ARHGAP28: variants seen among roughly 807,000 people sequenced by gnomAD.
The protein encoded by ARHGAP28 is rho GTPase-activating protein 28.
A neutral mutation model predicts 90.7 loss-of-function variants in ARHGAP28; 56 were observed. The ratio of observed to expected loss-of-function variants is 0.62; its 90% CI spans 0.50 to 0.77. The LOEUF (loss-of-function observed/expected upper bound fraction) is 0.77, where lower values mean the gene tolerates loss of function less well. ARHGAP28 is among the 30% of genes least tolerant of loss of function. The pLI, the probability that ARHGAP28 is intolerant of heterozygous loss-of-function variation, is 0.00. For missense variants in ARHGAP28, 869 were observed against 900.9 expected (o/e 0.96, Z 0.45); for synonymous variants, 308 against 323.3 (o/e 0.95, Z 0.51).
At chr18:6,839,304 T>TA in intron 3 of ARHGAP28, among the ~76,000 whole-genome samples, 1 of 150,846 alleles carries the variant, frequency 6.6e-6, no homozygotes, top group South Asian at 2.1e-4. Context: ...TTTTTTTTTT[T>TA]TTTTTTTGAG....
At position 6,889,951 on chromosome 18, in the gene ARHGAP28, A is replaced by G; in HGVS notation, c.1600A>G (p.Asn534Asp). The G allele has an allele frequency of 6.2e-7, 1 of 1,614,236 alleles. No individual in the cohort carries two copies. Among genetic ancestry groups the G allele is most frequent in the Non-Finnish European group, 8.5e-7 (1 of 1,180,042 alleles). ...NESKNRMSLW[N>D]ISTVMAPNLF... is the part of the protein sequence containing the mutation. ...ATCAAAAAACCGAATGAGTCTGTGG[A>G]ACATTTCTACAGTGATGGCACCAAA... The change falls in exon 13 of 18, where the codon AAC becomes GAC. Residue 534 changes from asparagine (N) to aspartate (D), a missense_variant. Asn to Asp is a conservative substitution (Grantham distance 23). Transcript: ENST00000383472.
chr18:6,730,900 G>A (rs2055875440), intron 1 of ARHGAP28, among the ~76,000 whole-genome samples: 3 of 152,078 alleles, frequency 2.0e-5, no homozygotes, highest in East Asian at 1.9e-4. Flanking sequence ...AACTTTAGTT[G>A]TGCGATAATT....
intron 1 of ARHGAP28, among the ~76,000 whole-genome samples, chr18:6,732,511 T>C (rs1360978399): frequency 6.6e-6 from 1 of 151,936 alleles, no homozygotes. Context: ...AAAAAAAAAA[T>C]TGAAGGACCC....
At chr18:6,786,142 A>T (rs1290268459) in intron 1 of ARHGAP28, among the ~76,000 whole-genome samples, 1 of 152,216 alleles carries the variant, frequency 6.6e-6, no homozygotes, top group Non-Finnish European at 1.5e-5. Context: ...CAGTATTTTG[A>T]CGTGGAGTGA....
chr18:6,854,711 G>A (rs557999495), intron 4 of ARHGAP28, among the ~76,000 whole-genome samples: 1 of 152,024 alleles, frequency 6.6e-6, no homozygotes, highest in South Asian at 2.1e-4. Context: ...TGCTGAGTTG[G>A]CAGGGTGGGA....
intron 2 of ARHGAP28, among the ~76,000 whole-genome samples, chr18:6,827,489 C>G (rs1166815175): frequency 7.2e-6 from 1 of 137,970 alleles, no homozygotes. Context: ...GTAGGGGCGG[C>G]CGGGCAGAGG....
chr18:6,740,280 A>G (rs1220442739), intron 1 of ARHGAP28, among the ~76,000 whole-genome samples: 1 of 152,214 alleles, frequency 6.6e-6, no homozygotes, highest in Admixed American at 6.5e-5. Flanking sequence ...CAACCAGGGG[A>G]CCAAGTCAGG....
intron 1 of ARHGAP28, among the ~76,000 whole-genome samples, chr18:6,776,247 GCCT>G (rs56905323): frequency 0.06 from 9,070 of 152,218 alleles, 578 homozygotes; most frequent in East Asian, 0.34. Context: ...TTACTGGAAG[GCCT>G]CCTCCTGACT....
intron 1 of ARHGAP28, among the ~76,000 whole-genome samples, chr18:6,755,054 T>C (rs2056098437): frequency 6.6e-6 from 1 of 152,026 alleles, no homozygotes; most frequent in Non-Finnish European, 1.5e-5. Flanking sequence ...TTGTCTGTAA[T>C]CCCAGCTACT....
intron 2 of ARHGAP28, among the ~76,000 whole-genome samples, chr18:6,833,007 GT>G (rs1322967981): frequency 6.6e-6 from 1 of 152,110 alleles, no homozygotes; most frequent in Admixed American, 6.5e-5. Context: ...TTATACTATT[GT>G]TTTATGTATA....
At chr18:6,736,796 A>G (rs912280485) in intron 1 of ARHGAP28, among the ~76,000 whole-genome samples, 1 of 151,746 alleles carries the variant, frequency 6.6e-6, no homozygotes, top group African/African-American at 2.4e-5. Context: ...TGCTGTGTTA[A>G]GAGAGTGTAG....
intron 1 of ARHGAP28, among the ~76,000 whole-genome samples, chr18:6,760,870 A>T (rs1320407412): frequency 1.3e-5 from 2 of 152,188 alleles, no homozygotes; most frequent in African/African-American, 2.4e-5. Context: ...TCCTGGATTC[A>T]TTTCATGTTA....
chr18:6,751,063 A>G (rs928516641), intron 1 of ARHGAP28, among the ~76,000 whole-genome samples: 3 of 152,150 alleles, frequency 2.0e-5, no homozygotes, highest in African/African-American at 7.2e-5. Context: ...AGCAGAAGTC[A>G]GGGTTTATCT....
chr18:6,839,506 C>T (rs1302460613), intron 3 of ARHGAP28, among the ~76,000 whole-genome samples: 1 of 152,058 alleles, frequency 6.6e-6, no homozygotes, highest in Non-Finnish European at 1.5e-5. Flanking sequence ...ACCCTGTTAG[C>T]CAGGATGGTC....
At chr18:6,802,534 C>T (rs778438684) in intron 1 of ARHGAP28, among the ~76,000 whole-genome samples, 48 of 151,586 alleles carry the variant, frequency 3.2e-4, no homozygotes, top group Non-Finnish European at 5.0e-4. Flanking sequence ...TTAATAGAGA[C>T]GGGGTTTCAC....
At position 6,817,117 on chromosome 18, in the gene ARHGAP28, C is replaced by A. The variant is rs576179360; in HGVS notation, c.123-7645C>A. 8.6e-4 allele frequency among the ~76,000 whole-genome samples: 129 copies of A among 149,930 alleles called. 1 individual carries two copies. Among genetic ancestry groups the A allele is most frequent in the African/African-American group, 3.1e-3 (125 of 40,776 alleles). ...AAAAAAAAAGTCAGGAGTTCAAGAC[C>A]AGCCTGGCCAACATGGTGAAACCCC... On this transcript the variant is annotated intron_variant, in intron 1 of 17. Coordinates refer to ENST00000383472, the MANE Select transcript of ARHGAP28 (RefSeq NM_001366230.1).
At chr18:6,757,857 A>G (rs1267392936) in intron 1 of ARHGAP28, among the ~76,000 whole-genome samples, 1 of 152,130 alleles carries the variant, frequency 6.6e-6, no homozygotes, top group African/African-American at 2.4e-5. Context: ...TTCAAGGCAC[A>G]CAAGCAGGAG....
chr18:6,820,354 A>G (rs886398323), intron 1 of ARHGAP28, among the ~76,000 whole-genome samples: 2 of 152,242 alleles, frequency 1.3e-5, no homozygotes, highest in African/African-American at 4.8e-5. Context: ...TGAAATAGAA[A>G]TGTTTTAACT....
chr18:6,737,083 G>T (rs2055935602), intron 1 of ARHGAP28, among the ~76,000 whole-genome samples: 1 of 152,012 alleles, frequency 6.6e-6, no homozygotes, highest in Non-Finnish European at 1.5e-5. Flanking sequence ...GTCAGTTCTA[G>T]CCAAGAATAA....
Sources: gnomAD v4.1 joint callset for allele counts (sites outside exome capture counted in the v4.1 genomes callset) on GRCh38, gnomAD v4.1.1 for gene constraint, MANE v1.5 for transcripts, NCBI Gene and HGNC (gene_info 2026-07-23, HGNC 2026-07-21) for gene names.